The following SYN2 variants were observed in gnomAD, a reference collection of about 807,000 sequenced individuals.
SYN2 encodes synapsin II, also known as synapsin-2.
Under a neutral mutation model 50.9 loss-of-function variants are expected in SYN2, and 19 were observed. The ratio of observed to expected loss-of-function variants is 0.37; its 90% confidence interval spans 0.26 to 0.55. The LOEUF is 0.55. Among genes scored for constraint, SYN2 ranks in the 20% least tolerant of loss-of-function variants. The pLI, the probability that SYN2 is intolerant of heterozygous loss-of-function variation, is 0.81. For missense variants in SYN2, 587 were observed against 576.4 expected (o/e 1.02, Z -0.19); for synonymous variants, 255 against 224.9 (o/e 1.13, Z -1.20).
Position 12,080,821 on chromosome 3 carries a change from A to T in SYN2, c.378-59830A>T, listed in dbSNP as rs139342957. 8.2e-3 allele frequency among the ~76,000 whole-genome samples: 1,245 copies of T among 152,260 alleles called. 19 individuals carry two copies. The highest frequency in any genetic ancestry group is 0.044 in the Admixed American group (671 of 15,290). On this transcript the variant is annotated intron_variant, in intron 1 of 12. Transcript: ENST00000621198. ...AGTTCTGTAGATATCTATCAGGTCC[A>T]CTTGATCCAGAGCTGAGTCCAAGTC...
chr3:12,058,933 T>C (rs1186407344), intron 1 of SYN2, among the ~76,000 whole-genome samples: 1 of 152,136 alleles, frequency 6.6e-6, no homozygotes, highest in Non-Finnish European at 1.5e-5. Context: ...TCCCACCAGT[T>C]TGGATGAGAG....
intron 7 of SYN2, among the ~76,000 whole-genome samples, chr3:12,165,797 C>T (rs531011583): frequency 1.2e-4 from 18 of 152,258 alleles, no homozygotes; most frequent in African/African-American, 2.4e-5. Flanking sequence ...ATTCTGTCTT[C>T]GTGTTTCTAC....
At chr3:12,138,645 CAG>C (rs766798144) in intron 1 of SYN2, among the ~76,000 whole-genome samples, 1 of 152,190 alleles carries the variant, frequency 6.6e-6, no homozygotes, top group Non-Finnish European at 1.5e-5. Flanking sequence ...GGCTCCTTCA[CAG>C]AGTTGTGAGG....
chr3:12,145,953 T>C (rs1006819558), intron 4 of SYN2, 118 bp downstream of exon 4: 1 of 1,417,322 alleles, frequency 7.1e-7, no homozygotes, highest in Non-Finnish European at 9.7e-7. Flanking sequence ...CCCTACATCT[T>C]CCAGGCCCCT....
At chr3:12,119,710 T>C (rs1322596715) in intron 1 of SYN2, among the ~76,000 whole-genome samples, 1 of 152,216 alleles carries the variant, frequency 6.6e-6, no homozygotes, top group African/African-American at 2.4e-5. Flanking sequence ...ATTTTACCTA[T>C]GTCAGGAAAG....
intron 1 of SYN2, among the ~76,000 whole-genome samples, chr3:12,050,858 C>G (rs1259784615): frequency 6.6e-6 from 1 of 150,938 alleles, no homozygotes; most frequent in Non-Finnish European, 1.5e-5. Context: ...GCCTCAGCCT[C>G]CCGAGTAGCT....
chr3:12,185,684 C>T (rs1698328710), intron 11 of SYN2: 35 of 985,860 alleles, frequency 3.6e-5, no homozygotes, highest in Non-Finnish European at 4.2e-5. Context: ...TCTTTTGTGA[C>T]TCTTGTACAG....
chr3:12,179,134 T>G, intron 10 of SYN2, among the ~76,000 whole-genome samples: 1 of 152,176 alleles, frequency 6.6e-6, no homozygotes, highest in Non-Finnish European at 1.5e-5. Context: ...CCCTGGCTTC[T>G]CTGATCACTA....
intron 1 of SYN2, chr3:12,070,656 T>C: frequency 7.6e-7 from 1 of 1,307,888 alleles, no homozygotes; most frequent in Admixed American, 1.8e-5. Context: ...GGCCATGCTG[T>C]CCCTCTATGC....
intron 1 of SYN2, among the ~76,000 whole-genome samples, chr3:12,043,505 T>C (rs1694666887): frequency 6.6e-6 from 1 of 152,170 alleles, no homozygotes; most frequent in Non-Finnish European, 1.5e-5. Context: ...TCCCAACAAC[T>C]TTGTGTGGTA....
At chr3:12,130,921 A>G (rs1696785363) in intron 1 of SYN2, among the ~76,000 whole-genome samples, 1 of 152,240 alleles carries the variant, frequency 6.6e-6, no homozygotes, top group African/African-American at 2.4e-5. Flanking sequence ...AGGTCAGGGA[A>G]GATTTCCTAA....
At chr3:12,069,244 C>CTTT (rs57716121) in intron 1 of SYN2, among the ~76,000 whole-genome samples, 1 of 128,274 alleles carries the variant, frequency 7.8e-6, no homozygotes, top group Non-Finnish European at 1.7e-5. Context: ...ATTGTATGAC[C>CTTT]TTTTTTTTTT....
At chr3:12,120,809 T>G (rs1335706832) in intron 1 of SYN2, among the ~76,000 whole-genome samples, 1 of 152,190 alleles carries the variant, frequency 6.6e-6, no homozygotes, top group Non-Finnish European at 1.5e-5. Flanking sequence ...CTCCTTCATG[T>G]GTCCTATATT....
intron 1 of SYN2, among the ~76,000 whole-genome samples, chr3:12,020,288 T>C (rs1043318317): frequency 2.0e-5 from 3 of 152,196 alleles, no homozygotes; most frequent in Non-Finnish European, 2.9e-5. Flanking sequence ...AAGACTGTTC[T>C]CTGCTGGTCT....
chr3:12,177,342 A>G (rs1438820024), intron 10 of SYN2, among the ~76,000 whole-genome samples: 1 of 152,198 alleles, frequency 6.6e-6, no homozygotes, highest in Non-Finnish European at 1.5e-5. Context: ...CTTATCAGCC[A>G]TTGTTAGTGT....
intron 1 of SYN2, chr3:12,070,201 C>A: frequency 2.6e-6 from 1 of 380,376 alleles, no homozygotes; most frequent in Non-Finnish European, 5.2e-6. Context: ...ACTGCTCTGC[C>A]GCCCTGCTCC....
Position 12,121,978 on chromosome 3 carries a change from T to C in SYN2, c.378-18673T>C, listed in dbSNP as rs73139676. Among the ~76,000 whole-genome samples the C allele has an allele frequency of 7.4e-3, 1,130 of 152,242 alleles. 9 individuals carry two copies. The highest frequency in any genetic ancestry group is 0.026 in the African/African-American group (1,065 of 41,546). Reference sequence around the variant, plus strand: ...CCTTCTTCTCTGCAAAACCTCAGTTTTTACTCTTCAGGCCTTGAACCGATT... The same window carrying C: ...CCTTCTTCTCTGCAAAACCTCAGTTCTTACTCTTCAGGCCTTGAACCGATT... On this transcript the variant is annotated intron_variant, in intron 1 of 12. Coordinates refer to ENST00000621198, the MANE Select transcript of SYN2 (RefSeq NM_133625.6).
intron 1 of SYN2, among the ~76,000 whole-genome samples, chr3:12,130,643 C>T (rs1448286861): frequency 6.6e-6 from 1 of 152,162 alleles, no homozygotes; most frequent in Non-Finnish European, 1.5e-5. Context: ...AATATCTGGG[C>T]ACCTGTGGCC....
At chr3:12,026,114 G>A (rs1237148973) in intron 1 of SYN2, among the ~76,000 whole-genome samples, 2 of 152,084 alleles carry the variant, frequency 1.3e-5, no homozygotes, top group South Asian at 2.1e-4. Flanking sequence ...GTTGGGTTGG[G>A]GTCAGTGGTT....
Sources: allele counts gnomAD v4.1 joint callset (sites outside exome capture counted in the v4.1 genomes callset), GRCh38; gene constraint gnomAD v4.1.1; transcripts MANE v1.5; gene names NCBI Gene and HGNC (gene_info 2026-07-23, HGNC 2026-07-21).